The following CELF2 variants were observed in gnomAD, a reference collection of about 807,000 sequenced individuals.
CELF2 encodes the protein CUGBP Elav-like family member 2, also known as CUG triplet repeat RNA-binding protein 2.
CELF2 carries 8 observed loss-of-function variants against 62.6 expected under a neutral mutation model. That is an observed-to-expected ratio of 0.13 (90% CI 0.07 to 0.23). CELF2 has a LOEUF of 0.23. Among genes scored for constraint, CELF2 ranks in the 10% least tolerant of loss-of-function variants. CELF2 has a pLI of 1.00. For missense variants in CELF2, 333 were observed against 671.0 expected (o/e 0.50, Z 5.56); for synonymous variants, 258 against 250.0 (o/e 1.03, Z -0.30).
chr10:11,133,694 T>C (rs540100955), intron 1 of CELF2, among the ~76,000 whole-genome samples: 2 of 152,372 alleles, frequency 1.3e-5, no homozygotes, highest in East Asian at 3.9e-4. Context: ...AATCTGAGTC[T>C]GAAAACAGCT....
intron 1 of CELF2, among the ~76,000 whole-genome samples, chr10:10,906,243 C>A (rs1015697488): frequency 1.3e-5 from 2 of 152,142 alleles, no homozygotes; most frequent in Non-Finnish European, 2.9e-5. Context: ...AGTTGTACTA[C>A]CTAATTTTCT....
At chr10:10,930,984 C>T (rs2065997199) in intron 2 of CELF2, among the ~76,000 whole-genome samples, 1 of 152,096 alleles carries the variant, frequency 6.6e-6, no homozygotes, top group African/African-American at 2.4e-5. Context: ...GGTTGATTTG[C>T]TTTTTATACC....
intron 1 of CELF2, among the ~76,000 whole-genome samples, chr10:11,091,414 A>T (rs2048296361): frequency 6.6e-6 from 1 of 152,192 alleles, no homozygotes; most frequent in African/African-American, 2.4e-5. Context: ...GGCTTGAGAA[A>T]ATACTGACCT....
At chr10:11,053,567 A>T (rs2480794) in intron 1 of CELF2, among the ~76,000 whole-genome samples, 39,332 of 141,124 alleles carry the variant, frequency 0.28, 5,451 homozygotes, top group Middle Eastern at 0.35. Flanking sequence ...CACATTTTTT[A>T]AAAAAAAAGA....
At chr10:10,801,338 T>C (rs765975210) in intron 1 of CELF2, among the ~76,000 whole-genome samples, 30 of 152,230 alleles carry the variant, frequency 2.0e-4, no homozygotes, top group Admixed American at 6.5e-4. Context: ...AGTTTATAAA[T>C]TGCATTTTAA....
At chr10:10,613,481 C>T in the CELF2 span, among the ~76,000 whole-genome samples, 13 of 152,156 alleles carry the variant, frequency 8.5e-5, no homozygotes, top group Non-Finnish European at 1.6e-4. Flanking sequence ...GATATAAACT[C>T]ATAAGAGAAT....
At chr10:10,847,835 G>T (rs1297930632) in intron 1 of CELF2, among the ~76,000 whole-genome samples, 1 of 152,150 alleles carries the variant, frequency 6.6e-6, no homozygotes, top group Admixed American at 6.5e-5. Context: ...TGGACAGCCA[G>T]ATTTTATAGC....
chr10:10,896,028 G>A (rs2062529241), intron 1 of CELF2, among the ~76,000 whole-genome samples: 1 of 152,216 alleles, frequency 6.6e-6, no homozygotes, highest in Non-Finnish European at 1.5e-5. Flanking sequence ...AGAGAGCTGA[G>A]AGCTATGTAG....
the CELF2 span, among the ~76,000 whole-genome samples, chr10:10,625,306 C>A: frequency 6.6e-6 from 1 of 152,172 alleles, no homozygotes. Flanking sequence ...ACCACAAGAA[C>A]GGCAACAGCA....
chr10:10,937,121 CTTTTTTT>C (rs373143426), intron 2 of CELF2, among the ~76,000 whole-genome samples: 4 of 90,534 alleles, frequency 4.4e-5, no homozygotes, highest in African/African-American at 5.1e-5. Flanking sequence ...TTTTTCTTTT[CTTTTTTT>C]TTTTTTTTTT....
chr10:11,270,549 T>C lies in CELF2; in HGVS notation c.619-117T>C. 2 of 863,084 alleles carry C rather than the reference T, an allele frequency of 2.3e-6. No homozygotes were observed. Among genetic ancestry groups the C allele is most frequent in the Non-Finnish European group, 3.3e-6 (2 of 606,510 alleles). The allele number at this position is 863,084 out of a possible 1,614,324, so 53.5% of individuals were successfully genotyped here. A position where few individuals can be genotyped will look rare whatever the true frequency, so the allele number is the denominator to read the frequency against. ...GAATATCAAACCGTTTTAAACCATT[T>C]CAGCCCATTCCATGTGCTCCAGGCT... On this transcript the variant is annotated intron_variant, in intron 6 of 12. Transcript: ENST00000633077. This position sits in a 1 kb window ranked among gnomAD's most constrained non-coding sequence, Gnocchi z 5.8.
chr10:10,629,861 C>CAAAAAAAAAAAAAAAA, the CELF2 span, among the ~76,000 whole-genome samples: 2 of 12,338 alleles, frequency 1.6e-4, 1 homozygote, highest in Non-Finnish European at 2.9e-4. Flanking sequence ...GGCTGAAGAC[C>CAAAAAAAAAAAAAAAA]AAAAAAAAAA....
the CELF2 span, among the ~76,000 whole-genome samples, chr10:10,484,615 C>T: frequency 1.3e-5 from 2 of 151,842 alleles, no homozygotes; most frequent in Admixed American, 6.6e-5. Context: ...CCACACCCTG[C>T]CAGAGAGCTT....
At chr10:10,591,290 A>G in the CELF2 span, among the ~76,000 whole-genome samples, 3 of 152,188 alleles carry the variant, frequency 2.0e-5, no homozygotes, top group Admixed American at 6.5e-5. Flanking sequence ...TAATAATGGG[A>G]TGGTTAAAGG....
the CELF2 span, among the ~76,000 whole-genome samples, chr10:10,650,159 C>T: frequency 9.2e-5 from 14 of 152,130 alleles, no homozygotes; most frequent in Admixed American, 9.2e-4. Flanking sequence ...CGTAGTATTT[C>T]ATTACAGCCT....
the CELF2 span, among the ~76,000 whole-genome samples, chr10:10,712,801 T>G: frequency 2.6e-5 from 4 of 152,158 alleles, no homozygotes; most frequent in East Asian, 7.7e-4. Flanking sequence ...TATTCCAACT[T>G]CCACCACCAC....
chr10:10,483,201 A>C, the CELF2 span, among the ~76,000 whole-genome samples: 13 of 142,008 alleles, frequency 9.2e-5, no homozygotes, highest in Admixed American at 3.7e-4. Context: ...TTCAGTCCAC[A>C]CTGGCAGAAT....
At chr10:10,468,864 G>A in the CELF2 span, among the ~76,000 whole-genome samples, 767 of 151,896 alleles carry the variant, frequency 5.0e-3, 9 homozygotes, top group African/African-American at 0.018. Context: ...TTCTAAATTT[G>A]ATGTTTGTTC....
At chr10:10,626,018 C>T in the CELF2 span, among the ~76,000 whole-genome samples, 4 of 151,910 alleles carry the variant, frequency 2.6e-5, no homozygotes, top group Admixed American at 1.3e-4. Context: ...CTGCCACTTG[C>T]GGACTTGCAA....
Sources: allele counts gnomAD v4.1 joint callset (sites outside exome capture counted in the v4.1 genomes callset), GRCh38; gene constraint gnomAD v4.1.1; non-coding constraint Gnocchi (gnomAD v3.1); transcripts MANE v1.5; gene names NCBI Gene and HGNC (gene_info 2026-07-23, HGNC 2026-07-21).